The following NRXN1 variants were observed in gnomAD, a reference collection of about 807,000 sequenced individuals.
NRXN1 encodes the protein neurexin 1, also known as neurexin-1.
A neutral mutation model predicts 150.9 loss-of-function variants in NRXN1; 39 were observed. The observed-to-expected ratio is 0.26, with a 90% CI of 0.20 to 0.34. The LOEUF is 0.34. Among genes scored for constraint, NRXN1 ranks in the 10% least tolerant of loss-of-function variants. The pLI, the probability that NRXN1 is intolerant of heterozygous loss-of-function variation, is 1.00. For missense variants in NRXN1, 1,815 were observed against 1,949.9 expected (o/e 0.93, Z 1.30); for synonymous variants, 924 against 757.0 (o/e 1.22, Z -3.62).
intron 5 of NRXN1, among the ~76,000 whole-genome samples, chr2:50,771,664 C>T (rs1349805556): frequency 6.6e-6 from 1 of 152,048 alleles, no homozygotes; most frequent in Non-Finnish European, 1.5e-5. Flanking sequence ...CCAGTTTTGG[C>T]TGGAATCTTG....
chr2:50,233,935 A>G (rs1349813625), intron 18 of NRXN1, among the ~76,000 whole-genome samples: 1 of 152,092 alleles, frequency 6.6e-6, no homozygotes, highest in African/African-American at 2.4e-5. Flanking sequence ...AATATTAAGA[A>G]CAGTTCTGCT....
At chr2:50,879,143 G>A (rs1195189200) in intron 5 of NRXN1, among the ~76,000 whole-genome samples, 1 of 151,806 alleles carries the variant, frequency 6.6e-6, no homozygotes, top group Non-Finnish European at 1.5e-5. Flanking sequence ...TGAAAACCTT[G>A]AGACCGAAGA....
intron 18 of NRXN1, among the ~76,000 whole-genome samples, chr2:50,198,044 T>C (rs2061891075): frequency 6.6e-6 from 1 of 152,138 alleles, no homozygotes; most frequent in African/African-American, 2.4e-5. Context: ...TATGTTTAAT[T>C]GACTACCTTC....
intron 21 of NRXN1, among the ~76,000 whole-genome samples, chr2:49,998,510 A>C (rs1683370804): frequency 2.0e-5 from 3 of 152,088 alleles, no homozygotes; most frequent in African/African-American, 7.2e-5. Context: ...GGAAATACCC[A>C]GTATTTTTTT....
In NRXN1 at chr2:50,538,448, C is replaced by T. The variant is rs202137841; in HGVS notation, c.1948G>A (p.Asp650Asn). Residue 650 changes from aspartate to asparagine, a missense_variant, in exon 10 of 23, where the codon GAT (aspartate) becomes AAT (asparagine). Asp to Asn is a conservative substitution (Grantham distance 23, BLOSUM62 1). This residue lies in a region of NRXN1 where 638 missense variants were observed against 652.6 expected (regional missense o/e 0.98). Coordinates refer to ENST00000401669, the MANE Select transcript of NRXN1 (RefSeq NM_001330078.2). ...YVGCIRDLFIDGQSKDIRQMA... is the reference protein window; with the variant it reads ...YVGCIRDLFINGQSKDIRQMA... The stretch of plus-strand genomic sequence containing the variant: ...TGCCGGATATCTTTGCTTTGGCCAT[C>T]GATGAACAAATCCCTGATGCAGCCC... The T allele has an allele frequency of 1.7e-5, 27 of 1,613,780 alleles. No homozygotes were observed. Among genetic ancestry groups the T allele is most frequent in the Non-Finnish European group, 2.2e-5 (26 of 1,179,876 alleles).
chr2:50,567,013 AT>A (rs753660711), intron 8 of NRXN1, among the ~76,000 whole-genome samples: 1 of 152,122 alleles, frequency 6.6e-6, no homozygotes, highest in African/African-American at 2.4e-5. Flanking sequence ...AATAATAATA[AT>A]CCCCCTTAGG....
intron 2 of NRXN1, among the ~76,000 whole-genome samples, chr2:50,951,963 A>ATATATATTTT (rs1387961788): frequency 4.0e-5 from 3 of 74,822 alleles, no homozygotes; most frequent in South Asian, 6.0e-4. Flanking sequence ...ATATATATAT[A>ATATATATTTT]TTTTTTTTTT....
chr2:49,990,007 A>T (rs186339085), intron 21 of NRXN1, among the ~76,000 whole-genome samples: 3 of 152,216 alleles, frequency 2.0e-5, no homozygotes, highest in African/African-American at 7.2e-5. Flanking sequence ...GCCAGCTTCT[A>T]ACAATGCTGA....
At chr2:50,144,283 T>C (rs1293319139) in intron 18 of NRXN1, among the ~76,000 whole-genome samples, 1 of 151,804 alleles carries the variant, frequency 6.6e-6, no homozygotes, top group East Asian at 1.9e-4. Flanking sequence ...TGTTGTTTTT[T>C]CCCTTAGTTT....
chr2:50,130,781 T>C (rs1048623172), intron 18 of NRXN1, among the ~76,000 whole-genome samples: 1 of 152,200 alleles, frequency 6.6e-6, no homozygotes, highest in African/African-American at 2.4e-5. Flanking sequence ...TTAAGTTCAT[T>C]TATCATCTGC....
intron 5 of NRXN1, chr2:50,918,261 CTT>C (rs953266511): frequency 2.9e-5 from 5 of 171,948 alleles, no homozygotes; most frequent in Non-Finnish European, 4.9e-5. Context: ...CCATTTGACT[CTT>C]TAAAATGGAC....
intron 5 of NRXN1, among the ~76,000 whole-genome samples, chr2:50,911,019 G>C (rs899318026): frequency 3.3e-5 from 5 of 152,042 alleles, no homozygotes; most frequent in African/African-American, 1.2e-4. Context: ...CTTAAGAACA[G>C]ATACATCAGT....
At chr2:50,238,899 T>C (rs1475403956) in intron 17 of NRXN1, among the ~76,000 whole-genome samples, 1 of 151,984 alleles carries the variant, frequency 6.6e-6, no homozygotes, top group African/African-American at 2.4e-5. Context: ...AATGCAAAGC[T>C]ATAGAGGCTG....
At position 50,978,925 on chromosome 2, in the gene NRXN1, T is replaced by C. The variant is rs543054553; in HGVS notation, c.772+48577A>G. Reference sequence around the variant, plus strand: ...TTCTAATAGAGAAGAAAAAACGTAATTGTTGTTTTTAAATGTAGTATAAAC... The same window carrying C: ...TTCTAATAGAGAAGAAAAAACGTAACTGTTGTTTTTAAATGTAGTATAAAC... On this transcript the variant is annotated intron_variant, in intron 2 of 22. Coordinates refer to ENST00000401669, the MANE Select transcript of NRXN1 (RefSeq NM_001330078.2). 2.0e-5 allele frequency among the ~76,000 whole-genome samples: 3 copies of C among 152,216 alleles called. No homozygotes were observed. In the East Asian group the frequency reaches 5.8e-4, roughly 29 times the overall value.
Position 50,885,789 on chromosome 2 carries a change from T to C in NRXN1, c.832+36080A>G, listed in dbSNP as rs192663594. Among the ~76,000 whole-genome samples, 494 of 149,828 alleles carry C rather than the reference T, an allele frequency of 3.3e-3. 1 individual carries two copies. The highest frequency in any genetic ancestry group is 5.8e-3 in the Non-Finnish European group (385 of 66,886). ...GATAAGTTGATAGGTGTCTTTTTGCTCAGAATGTCTAAATCGTAAATATTT... is the reference window on the plus strand; with the variant it reads ...GATAAGTTGATAGGTGTCTTTTTGCCCAGAATGTCTAAATCGTAAATATTT... On this transcript the variant is annotated intron_variant, in intron 5 of 22. Transcript: ENST00000401669.
rs541302010 is a variant in NRXN1 at position 50,269,302 on chromosome 2, T to C, written c.3365-32332A>G. Reference sequence around the variant, plus strand: ...GTCCTTGCAGGTGTGGAATACTGTATACTCTTCCCTTTGCTGTATTGTTTC... The same window carrying C: ...GTCCTTGCAGGTGTGGAATACTGTACACTCTTCCCTTTGCTGTATTGTTTC... On this transcript the variant is annotated intron_variant, in intron 17 of 22. Transcript: ENST00000401669. Among the ~76,000 whole-genome samples, 5 of 152,346 alleles carry C rather than the reference T, an allele frequency of 3.3e-5. No homozygotes were observed. In the South Asian group the frequency reaches 6.2e-4, roughly 19 times the overall value.
At chr2:51,018,347 G>A (rs890176613) in intron 2 of NRXN1, among the ~76,000 whole-genome samples, 2 of 152,070 alleles carry the variant, frequency 1.3e-5, no homozygotes, top group African/African-American at 4.8e-5. Flanking sequence ...TGGTGTCAGT[G>A]CATTTCTAAT....
At chr2:49,954,046 A>T (rs913221850) in intron 21 of NRXN1, among the ~76,000 whole-genome samples, 13 of 152,120 alleles carry the variant, frequency 8.5e-5, no homozygotes, top group South Asian at 6.2e-4. Flanking sequence ...ATTATAACTA[A>T]TAATTTTTGT....
intron 8 of NRXN1, among the ~76,000 whole-genome samples, chr2:50,584,262 A>G (rs1423604660): frequency 2.6e-5 from 4 of 152,144 alleles, no homozygotes; most frequent in Non-Finnish European, 4.4e-5. Flanking sequence ...GCCGAAAACT[A>G]TCCCTTCAAC....
Sources: allele counts gnomAD v4.1 joint callset (sites outside exome capture counted in the v4.1 genomes callset), GRCh38; gene constraint gnomAD v4.1.1; regional missense constraint gnomAD v4.1.1; transcripts MANE v1.5; gene names NCBI Gene and HGNC (gene_info 2026-07-23, HGNC 2026-07-21).